The following CPSF4L variants were observed in gnomAD, a reference collection of about 807,000 sequenced individuals.
CPSF4L encodes the protein cleavage and polyadenylation specific factor 4 like, also known as putative cleavage and polyadenylation specificity factor subunit 4-like protein.
CPSF4L carries 18 observed loss-of-function variants against 24.0 expected under a neutral mutation model. The ratio of observed to expected loss-of-function variants is 0.75; its 90% CI spans 0.52 to 1.11. The LOEUF (loss-of-function observed/expected upper bound fraction) is 1.11, where lower values mean the gene tolerates loss of function less well. Among genes scored for constraint, CPSF4L ranks in the 50% least tolerant of loss-of-function variants. The pLI, the probability that CPSF4L is intolerant of heterozygous loss-of-function variation, is 0.00. For synonymous variants in CPSF4L, 72 were observed against 77.2 expected, an observed-to-expected ratio of 0.93 and a Z score of 0.35; for missense variants, 211 against 221.8, an observed-to-expected ratio of 0.95 and a Z score of 0.31.
intron 3 of CPSF4L, among the ~76,000 whole-genome samples, chr17:73,256,884 G>A (rs9900555): frequency 0.41 from 62,423 of 151,918 alleles, 13,215 homozygotes; most frequent in Non-Finnish European, 0.46. Flanking sequence ...AAAATTAGCC[G>A]GGCATGTTGG....
intron 3 of CPSF4L, among the ~76,000 whole-genome samples, chr17:73,254,329 A>AG (rs2062016316): frequency 6.6e-6 from 1 of 152,228 alleles, no homozygotes; most frequent in South Asian, 2.1e-4. Context: ...AGCAGGAACA[A>AG]GGAGAGCCGA....
chr17:73,245,620 A>T, downstream of CPSF4L: 1 of 985,452 alleles, frequency 1.0e-6, no homozygotes, highest in Non-Finnish European at 1.2e-6. Flanking sequence ...AATTGGCAGA[A>T]AATAAGCCCA....
intron 2 of CPSF4L, among the ~76,000 whole-genome samples, chr17:73,259,032 A>C (rs1172498977): frequency 2.8e-5 from 2 of 70,840 alleles, no homozygotes; most frequent in African/African-American, 6.3e-5. Flanking sequence ...CCCAGTTCCT[A>C]AGTTTCTTTA....
intron 2 of CPSF4L, among the ~76,000 whole-genome samples, chr17:73,258,898 G>A (rs143160495): frequency 0.011 from 1,654 of 152,300 alleles, 34 homozygotes; most frequent in African/African-American, 0.038. Flanking sequence ...CGATTCCAGA[G>A]ACCTAACAGG....
downstream of CPSF4L, chr17:73,247,617 C>CCTG: frequency 5.9e-6 from 2 of 338,162 alleles, no homozygotes; most frequent in East Asian, 6.3e-5. Flanking sequence ...GAGAATAGAA[C>CCTG]TATTTAATGA....
In CPSF4L at chr17:73,248,459, G is replaced by A. The variant is rs1376851953; in HGVS notation, c.*35C>T. The A allele has an allele frequency of 6.5e-7, 1 of 1,546,318 alleles. No homozygotes were observed. Among genetic ancestry groups the A allele is most frequent in the African/African-American group, 1.4e-5 (1 of 72,954 alleles). On this transcript the variant is annotated 3_prime_UTR_variant, in exon 6 of 6. Coordinates refer to ENST00000344935, the MANE Select transcript of CPSF4L (RefSeq NM_001129885.1). ...AAAAGTCGTGTTCTGCCCTGTCTGT[G>A]GCATTGGAGTGCCCCGCTAGGTAAG... is the stretch of plus-strand genomic sequence containing the variant.
intron 2 of CPSF4L, among the ~76,000 whole-genome samples, chr17:73,258,111 G>A (rs539229568): frequency 2.0e-5 from 3 of 151,846 alleles, no homozygotes; most frequent in Admixed American, 6.6e-5. Flanking sequence ...CTGGGTTCAC[G>A]CCATTCTCCT....
intron 3 of CPSF4L, among the ~76,000 whole-genome samples, chr17:73,257,447 G>C (rs566409884): frequency 2.6e-5 from 4 of 151,030 alleles, no homozygotes; most frequent in Non-Finnish European, 5.9e-5. Context: ...TTCCCTTTTG[G>C]GGGTATCTGG....
rs556091370 is a variant in CPSF4L, at chr17:73,261,742, C to T, written c.77G>A (p.Gly26Glu). Residue 26 changes from glycine (G) to glutamate (E), a missense_variant, in exon 1 of 6, where the codon GGG (glycine) becomes GAG (glutamate). By Grantham distance (98) the Gly-to-Glu change is moderately conservative (BLOSUM62 -2). Coordinates refer to ENST00000344935, the MANE Select transcript of CPSF4L (RefSeq NM_001129885.1). ...EKDVEMQKGT[G>E]LLPFQGMDKS... ...GTCCATGCCCTGGAAAGGCAGGAGC[C>T]CAGTGCCCTTCTGCATCTCGACATC... 33 of 1,551,016 alleles carry T rather than the reference C, an allele frequency of 2.1e-5. No homozygotes were observed. In the African/African-American group the frequency reaches 4.4e-4, roughly 21 times the overall value.
intron 1 of CPSF4L, 129 bp from the exon 2 acceptor site, chr17:73,261,112 G>A: frequency 1.4e-6 from 1 of 710,296 alleles, no homozygotes; most frequent in Non-Finnish European, 2.4e-6. Context: ...TCCCAAATCT[G>A]GGCCCTGTAG....
chr17:73,259,380 A>T (rs1391877894), intron 2 of CPSF4L, among the ~76,000 whole-genome samples: 1 of 151,640 alleles, frequency 6.6e-6, no homozygotes, highest in Non-Finnish European at 1.5e-5. Context: ...TGTTTTGTAG[A>T]GATGGGGTCT....
At chr17:73,261,038 C>A in intron 1 of CPSF4L, 55 bp from the exon 2 acceptor site, 1 of 1,424,206 alleles carries the variant, frequency 7.0e-7, no homozygotes, top group South Asian at 1.2e-5. Context: ...TGCAGCTGTT[C>A]CGGAAGCCTC....
In CPSF4L at chr17:73,257,666, A is replaced by C; in HGVS notation, c.307+15T>G. 3.9e-6 allele frequency: 6 copies of C among 1,551,078 alleles called. No individual in the cohort carries two copies. Among genetic ancestry groups the C allele is most frequent in the Non-Finnish European group, 5.2e-6 (6 of 1,146,630 alleles). On this transcript the variant is annotated intron_variant, in intron 3 of 5. Coordinates refer to ENST00000344935, the MANE Select transcript of CPSF4L (RefSeq NM_001129885.1). ...ACCCTCCAGGGTGAGGCACCGAGCC[A>C]GGAAGAGGCCTTACCAAACTTGGAG...
rs1300557591 is a variant in CPSF4L, at chr17:73,252,743, T to A, written c.404-20A>T. The A allele has an allele frequency of 6.6e-7, 1 of 1,506,592 alleles. No homozygotes were observed. Among genetic ancestry groups the A allele is most frequent in the South Asian group, 1.2e-5 (1 of 81,890 alleles). 93.3% of individuals were successfully genotyped at this position (1,506,592 alleles called of 1,614,324 possible). A position where few individuals can be genotyped will look rare whatever the true frequency, so the allele number is the denominator to read the frequency against. The stretch of plus-strand genomic sequence containing the variant: ...GAGGACCTGCTGAGCAAAGAGAAAG[T>A]GATGAGAAGGATCCGCTTCAGCAAG... On this transcript the variant is annotated intron_variant, in intron 4 of 5. Coordinates refer to ENST00000344935, the MANE Select transcript of CPSF4L (RefSeq NM_001129885.1).
rs762242969 is a variant in CPSF4L, at chr17:73,260,834, C to T, written c.154+99G>A. On this transcript the variant is annotated intron_variant, in intron 2 of 5. Transcript: ENST00000344935. The stretch of plus-strand genomic sequence containing the variant: ...AATTTTCCCTCCCCAGGTGCAAATT[C>T]GACACCCTATCCCAGGCCAGGCAGA... 1.1e-3 allele frequency: 926 copies of T among 873,934 alleles called. 11 individuals carry two copies. Among genetic ancestry groups the T allele is most frequent in the Middle Eastern group, 9.1e-4 (4 of 4,400 alleles). The allele number at this position is 873,934 out of a possible 1,614,324, so 54.1% of individuals were successfully genotyped here. A position where few individuals can be genotyped will look rare whatever the true frequency, so the allele number is the denominator to read the frequency against.
At chr17:73,259,637 A>G (rs77447699) in intron 2 of CPSF4L, among the ~76,000 whole-genome samples, 10,532 of 152,274 alleles carry the variant, frequency 0.069, 425 homozygotes, top group South Asian at 0.11. Context: ...GATGCCACTC[A>G]GTCCACATTG....
chr17:73,250,513 G>C (rs918211350), intron 5 of CPSF4L, among the ~76,000 whole-genome samples: 4 of 152,138 alleles, frequency 2.6e-5, no homozygotes, highest in Non-Finnish European at 5.9e-5. Context: ...AAAAGTCAAG[G>C]GTTCTGCCAC....
chr17:73,263,674 C>T (rs2062055026), upstream of CPSF4L, among the ~76,000 whole-genome samples: 1 of 139,824 alleles, frequency 7.2e-6, no homozygotes, highest in African/African-American at 2.8e-5. Context: ...CTGGGGCCAG[C>T]TTTGGGGGGA....
chr17:73,247,156 C>A, downstream of CPSF4L: 3 of 1,228,226 alleles, frequency 2.4e-6, no homozygotes, highest in Non-Finnish European at 2.4e-6. Context: ...ATGGCTGTTT[C>A]ACACAACAAC....
Sources: allele counts gnomAD v4.1 joint callset (sites outside exome capture counted in the v4.1 genomes callset), GRCh38; gene constraint gnomAD v4.1.1; transcripts MANE v1.5; gene names NCBI Gene and HGNC (gene_info 2026-07-23, HGNC 2026-07-21).